DPYD: variants seen among roughly 807,000 people sequenced by gnomAD.
DPYD encodes dihydropyrimidine dehydrogenase [NADP(+)].
DPYD carries 109 observed loss-of-function variants against 116.2 expected under a neutral mutation model. That is an observed-to-expected ratio of 0.94 (90% CI 0.80 to 1.10). DPYD has a LOEUF of 1.10. Among genes scored for constraint, DPYD ranks in the 50% least tolerant of loss-of-function variants. The pLI is 0.00. For missense variants in DPYD, 1,302 were observed against 1,254.5 expected (o/e 1.04, Z -0.57); for synonymous variants, 440 against 432.0 (o/e 1.02, Z -0.23).
chr1:97,754,366 G>A (rs1665106907), intron 3 of DPYD, among the ~76,000 whole-genome samples: 1 of 151,896 alleles, frequency 6.6e-6, no homozygotes, highest in Non-Finnish European at 1.5e-5. Context: ...AGAAAAACAG[G>A]AAAATAAAAA....
At chr1:97,401,057 C>A (rs1159018813) in intron 14 of DPYD, among the ~76,000 whole-genome samples, 2 of 152,008 alleles carry the variant, frequency 1.3e-5, no homozygotes, top group Non-Finnish European at 2.9e-5. Flanking sequence ...GCATTTCCCT[C>A]CTGACATGAT....
chr1:97,202,018 A>T (rs959066720), intron 19 of DPYD, among the ~76,000 whole-genome samples: 3 of 151,976 alleles, frequency 2.0e-5, no homozygotes, highest in Non-Finnish European at 4.4e-5. Context: ...ACTGCACAGG[A>T]TCACTAAGTA....
At chr1:97,648,754 A>G (rs2100836669) in intron 8 of DPYD, among the ~76,000 whole-genome samples, 1 of 152,194 alleles carries the variant, frequency 6.6e-6, no homozygotes, top group Non-Finnish European at 1.5e-5. Flanking sequence ...CCTGTGAGGC[A>G]AATTATATGA....
chr1:97,352,060 A>G (rs764897008), intron 16 of DPYD, among the ~76,000 whole-genome samples: 10 of 152,170 alleles, frequency 6.6e-5, no homozygotes, highest in Non-Finnish European at 1.5e-4. Context: ...TTTGGTATTC[A>G]CTGCCAAGGA....
chr1:97,804,794 A>C (rs1408858302), intron 3 of DPYD, among the ~76,000 whole-genome samples: 12 of 151,868 alleles, frequency 7.9e-5, no homozygotes, highest in Admixed American at 7.9e-4. Flanking sequence ...GGATTTGTAA[A>C]CCTATTCTTT....
At chr1:97,416,517 T>A (rs1674299192) in intron 14 of DPYD, among the ~76,000 whole-genome samples, 2 of 152,238 alleles carry the variant, frequency 1.3e-5, no homozygotes, top group Non-Finnish European at 2.9e-5. Context: ...AGTTCCAAGG[T>A]ATACAGTGAC....
chr1:97,546,088 T>C lies in DPYD; in HGVS notation c.1524+3472A>G, dbSNP rs570337050. On this transcript the variant is annotated intron_variant, in intron 12 of 22. Coordinates refer to ENST00000370192, the MANE Select transcript of DPYD (RefSeq NM_000110.4). ...ATCACAGTAGGATCCTTAGTTACAG[T>C]GCTGGTTAAGTTGACAAGGCAAACA... 225 of 1,415,306 alleles carry C rather than the reference T, an allele frequency of 1.6e-4. 1 individual carries two copies. In the South Asian group the frequency reaches 2.0e-3, roughly 13 times the overall value. 87.7% of individuals were successfully genotyped at this position (1,415,306 alleles called of 1,614,324 possible).
At chr1:97,324,637 AAACTAT>A (rs1285022141) in intron 16 of DPYD, among the ~76,000 whole-genome samples, 1 of 152,110 alleles carries the variant, frequency 6.6e-6, no homozygotes, top group Non-Finnish European at 1.5e-5. Context: ...TGTGACACTT[AAACTAT>A]GTCAGGTTCA....
At chr1:97,643,696 A>G (rs1396717643) in intron 8 of DPYD, among the ~76,000 whole-genome samples, 4 of 152,186 alleles carry the variant, frequency 2.6e-5, no homozygotes, top group Non-Finnish European at 5.9e-5. Flanking sequence ...ATGGCCATCA[A>G]TGATAGACTG....
intron 20 of DPYD, among the ~76,000 whole-genome samples, chr1:97,139,360 T>C (rs924180690): frequency 6.6e-6 from 1 of 151,482 alleles, no homozygotes; most frequent in Non-Finnish European, 1.5e-5. Flanking sequence ...GTTATAAAAA[T>C]AAAAAAAAAT....
chr1:97,084,307 C>T (rs1343751255), intron 21 of DPYD, among the ~76,000 whole-genome samples: 1 of 151,824 alleles, frequency 6.6e-6, no homozygotes, highest in East Asian at 1.9e-4. Context: ...ACCTTTCATT[C>T]CTAACTCCAC....
chr1:97,494,373 A>G (rs1206548985), intron 13 of DPYD, among the ~76,000 whole-genome samples: 5 of 152,106 alleles, frequency 3.3e-5, no homozygotes, highest in Admixed American at 2.6e-4. Flanking sequence ...AAAAAAAAGA[A>G]TTTAAATTTA....
At chr1:97,196,544 G>A (rs1270517607) in intron 19 of DPYD, among the ~76,000 whole-genome samples, 1 of 152,138 alleles carries the variant, frequency 6.6e-6, no homozygotes, top group South Asian at 2.1e-4. Flanking sequence ...ATGATTATGC[G>A]ATGAGAATAA....
At chr1:97,286,620 T>C (rs1262256173) in intron 18 of DPYD, among the ~76,000 whole-genome samples, 3 of 152,172 alleles carry the variant, frequency 2.0e-5, no homozygotes, top group African/African-American at 4.8e-5. Flanking sequence ...TGTTCATTTC[T>C]TTTTATTCTT....
chr1:97,532,103 C>T (rs557103181), intron 12 of DPYD, among the ~76,000 whole-genome samples: 69 of 151,968 alleles, frequency 4.5e-4, no homozygotes, highest in African/African-American at 1.6e-3. Context: ...GATATGGATG[C>T]CTTTTATTTC....
intron 1 of DPYD, among the ~76,000 whole-genome samples, chr1:97,918,985 A>C (rs868268227): frequency 1.3e-5 from 2 of 152,226 alleles, no homozygotes; most frequent in South Asian, 4.1e-4. Flanking sequence ...AATTCATTCT[A>C]ATTCTTCAAC....
At chr1:97,316,083 C>T (rs1192057556) in intron 16 of DPYD, among the ~76,000 whole-genome samples, 4 of 151,902 alleles carry the variant, frequency 2.6e-5, no homozygotes, top group African/African-American at 7.2e-5. Flanking sequence ...CCTTTGTGTC[C>T]GCAAGACAAA....
chr1:97,572,139 A>C (rs942082266), intron 11 of DPYD, among the ~76,000 whole-genome samples: 1 of 152,020 alleles, frequency 6.6e-6, no homozygotes, highest in African/African-American at 2.4e-5. Flanking sequence ...CTCTAAATTT[A>C]TAAGAGGTGG....
intron 2 of DPYD, among the ~76,000 whole-genome samples, chr1:97,854,224 A>G (rs553105163): frequency 1.3e-5 from 2 of 152,224 alleles, no homozygotes; most frequent in Non-Finnish European, 2.9e-5. Flanking sequence ...TGATAAATTT[A>G]GAAACACAAG....
Sources: allele counts gnomAD v4.1 joint callset (sites outside exome capture counted in the v4.1 genomes callset), GRCh38; gene constraint gnomAD v4.1.1; transcripts MANE v1.5; gene names NCBI Gene and HGNC (gene_info 2026-07-23, HGNC 2026-07-21).